C2CD3: variants seen among roughly 807,000 people sequenced by gnomAD.
C2CD3 encodes C2 domain containing 3 centriole elongation regulator, also known as C2 domain-containing protein 3.
A neutral mutation model predicts 234.0 loss-of-function variants in C2CD3; 148 were observed. The observed-to-expected ratio is 0.63, with a 90% CI of 0.55 to 0.72. C2CD3 has a LOEUF of 0.72. C2CD3 is among the 30% of genes least tolerant of loss of function. The probability of loss-of-function intolerance (pLI) is 0.00; values close to 1 mark genes in which losing one functional copy is unlikely to be tolerated. For missense variants in C2CD3, 2,577 were observed against 2,811.5 expected (o/e 0.92, Z 1.89); for synonymous variants, 1,000 against 1,035.4 (o/e 0.97, Z 0.66).
chr11:74,100,505 C>G lies in C2CD3; in HGVS notation c.2732+20G>C, dbSNP rs1429186952. The G allele has an allele frequency of 1.3e-6, 2 of 1,593,382 alleles. No homozygotes were observed. Among genetic ancestry groups the G allele is most frequent in the South Asian group, 2.3e-5 (2 of 87,202 alleles). On this transcript the variant is annotated intron_variant, in intron 15 of 32. Transcript: ENST00000334126. ...AGTTAAAGATGCACAATAAAGAATACTCCAAAAGGTCCTATTTACTTGAAT... is the reference window on the plus strand; with the variant it reads ...AGTTAAAGATGCACAATAAAGAATAGTCCAAAAGGTCCTATTTACTTGAAT...
In C2CD3 at chr11:74,138,871, C is replaced by T; in HGVS notation, c.804G>A (p.Glu268=). 1 of 1,612,988 alleles carries T rather than the reference C, an allele frequency of 6.2e-7. No homozygotes were observed. Among genetic ancestry groups the T allele is most frequent in the Non-Finnish European group, 8.5e-7 (1 of 1,179,006 alleles). ...QHSLNSGQSL[E]SVTLKGRAPR... is the part of the protein sequence containing the mutation. ...GAGCTCTGCCTTTCAGAGTTACAGA[C>T]TCTAAACTCTGTCCTGAATTAAGAC... Residue 268 remains glutamate, a synonymous_variant, in exon 5 of 33, where the codon GAG becomes GAA. Coordinates refer to ENST00000334126, the MANE Select transcript of C2CD3 (RefSeq NM_001286577.2).
chr11:74,062,323 T>C (rs1207665257), intron 24 of C2CD3, among the ~76,000 whole-genome samples: 1 of 152,186 alleles, frequency 6.6e-6, no homozygotes, highest in African/African-American at 2.4e-5. Flanking sequence ...GAATATACAT[T>C]CTTCTCAGCA....
chr11:74,045,547 T>G (rs1237315679), intron 28 of C2CD3, among the ~76,000 whole-genome samples: 1 of 148,442 alleles, frequency 6.7e-6, no homozygotes, highest in African/African-American at 2.6e-5. Context: ...TGATTTTATT[T>G]AGACCTTTTT....
chr11:74,050,432 T>C (rs1265642330), intron 26 of C2CD3, among the ~76,000 whole-genome samples: 1 of 152,220 alleles, frequency 6.6e-6, no homozygotes, highest in Non-Finnish European at 1.5e-5. Flanking sequence ...GCAATGACCT[T>C]CATTCTCATA....
At position 74,139,721 on chromosome 11, in the gene C2CD3, C is replaced by T. The variant is rs757731510; in HGVS notation, c.591G>A (p.Glu197=). 7 of 1,612,256 alleles carry T rather than the reference C, an allele frequency of 4.3e-6. No homozygotes were observed. The highest frequency in any genetic ancestry group is 1.3e-5 in the African/African-American group (1 of 74,982). The change falls in exon 4 of 33, where the codon GAG becomes GAA. Residue 197 remains glutamate, a synonymous_variant. Transcript: ENST00000334126. ...NVLLSKQGFR[E]NTEPSSTQFQ... is the part of the protein sequence containing the mutation. ...ACTGGGTACTGCTGGGTTCAGTATT[C>T]TCTCTGAATCCCTGCTTAGATAAAA...
intron 23 of C2CD3, among the ~76,000 whole-genome samples, chr11:74,075,929 G>A (rs1443360060): frequency 6.6e-6 from 1 of 152,194 alleles, no homozygotes; most frequent in Non-Finnish European, 1.5e-5. Flanking sequence ...GCTCAGACAA[G>A]AGGGATATGG....
At chr11:74,109,300 G>C (rs1005789396) in intron 11 of C2CD3, 148 bp from the exon 12 acceptor site, 3 of 573,452 alleles carry the variant, frequency 5.2e-6, no homozygotes, top group Non-Finnish European at 9.2e-6. Context: ...GAAAGTGCTA[G>C]GGTTGTAGGA....
chr11:74,031,354 C>T (rs1215819417), intron 31 of C2CD3, among the ~76,000 whole-genome samples: 1 of 152,248 alleles, frequency 6.6e-6, no homozygotes, highest in Non-Finnish European at 1.5e-5. Flanking sequence ...CCCCTCATCC[C>T]TGGACTCTAG....
intron 3 of C2CD3, among the ~76,000 whole-genome samples, chr11:74,154,305 A>T (rs982728030): frequency 3.9e-5 from 6 of 152,286 alleles, no homozygotes; most frequent in African/African-American, 1.4e-4. Flanking sequence ...AAAAGACACA[A>T]TCATGAAAAT....
In C2CD3 at chr11:74,103,023, G is replaced by A. The variant is rs543556975; in HGVS notation, c.2580+108C>T. The A allele has an allele frequency of 2.0e-3, 2,207 of 1,105,648 alleles. 6 individuals are homozygous for A. The highest frequency in any genetic ancestry group is 2.6e-3 in the Non-Finnish European group (2,005 of 761,390). The allele number at this position is 1,105,648 out of a possible 1,614,324, so 68.5% of individuals were successfully genotyped here. On this transcript the variant is annotated intron_variant, in intron 14 of 32. Coordinates refer to ENST00000334126, the MANE Select transcript of C2CD3 (RefSeq NM_001286577.2). ...AATCTGTACACCAGATAATTACGAA[G>A]GTTCCTTCTAGTCTGAACATTCTAG... is the stretch of plus-strand genomic sequence containing the variant.
chr11:74,168,489 A>T lies in C2CD3; in HGVS notation c.180T>A (p.Leu60=), dbSNP rs756100753. 1.2e-5 allele frequency: 19 copies of T among 1,614,234 alleles called. No homozygotes were observed. The highest frequency in any genetic ancestry group is 1.3e-5 in the Non-Finnish European group (15 of 1,180,038). ...WKIAKPPTCV[L]VRVRWWGETS... ...TTTCTCCCCACCATCTCACTCGGAC[A>T]AGTACACAAGTGGGAGGCTTTGCAA... Residue 60 remains leucine (L), a synonymous_variant, in exon 2 of 33, where the codon CTT becomes CTA. Coordinates refer to ENST00000334126, the MANE Select transcript of C2CD3 (RefSeq NM_001286577.2).
chr11:74,138,748 G>A lies in C2CD3; in HGVS notation c.927C>T (p.Asn309=). Residue 309 remains asparagine (N), a synonymous_variant, in exon 5 of 33, where the codon AAC becomes AAT. Coordinates refer to ENST00000334126, the MANE Select transcript of C2CD3 (RefSeq NM_001286577.2). ...AAAGAAGATCCTTGGTAGGGAGGTT[G>A]TTTGAAGAAAGAATGCATGAGTCAC... ...SHSDSCILSS[N]NLPTKDLLSA... The A allele has an allele frequency of 6.2e-7, 1 of 1,612,798 alleles. No individual in the cohort carries two copies. Among genetic ancestry groups the A allele is most frequent in the Non-Finnish European group, 8.5e-7 (1 of 1,178,772 alleles).
intron 3 of C2CD3, among the ~76,000 whole-genome samples, chr11:74,159,885 T>A (rs1856331346): frequency 6.6e-6 from 1 of 152,226 alleles, no homozygotes; most frequent in Admixed American, 6.5e-5. Flanking sequence ...GCTCTATCCA[T>A]AACTGCTCTA....
At position 74,093,919 on chromosome 11, in the gene C2CD3, G is replaced by C. The variant is rs764115179; in HGVS notation, c.3241C>G (p.Leu1081Val). The change falls in exon 18 of 33, where the codon CTC becomes GTC. Residue 1081 changes from leucine (L) to valine (V), a missense_variant. By Grantham distance (32) the Leu-to-Val change is conservative. Coordinates refer to ENST00000334126, the MANE Select transcript of C2CD3 (RefSeq NM_001286577.2). Reference protein sequence around the residue: ...PIFNSEHHHSLLLPAEVPVQR... With the variant: ...PIFNSEHHHSVLLPAEVPVQR... The stretch of plus-strand genomic sequence containing the variant: ...ACTGGAACCTCAGCTGGCAACAGGA[G>C]AGAGTGATGGTGTTCACTATTAAAG... 1.9e-6 allele frequency: 3 copies of C among 1,614,090 alleles called. No individual in the cohort carries two copies. The highest frequency in any genetic ancestry group is 4.5e-5 in the East Asian group (2 of 44,882).
chr11:74,044,607 T>A (rs1953265061), intron 28 of C2CD3, among the ~76,000 whole-genome samples: 2 of 152,160 alleles, frequency 1.3e-5, no homozygotes, highest in Non-Finnish European at 2.9e-5. Context: ...GATCTGAGGG[T>A]GTATGTGCAG....
At chr11:74,119,057 G>A (rs1262260616) in intron 8 of C2CD3, among the ~76,000 whole-genome samples, 1 of 151,846 alleles carries the variant, frequency 6.6e-6, no homozygotes, top group Non-Finnish European at 1.5e-5. Flanking sequence ...CTACAGACAT[G>A]AGCCACCACA....
At chr11:74,116,874 G>GTA (rs1412796057) in intron 9 of C2CD3, among the ~76,000 whole-genome samples, 1 of 125,104 alleles carries the variant, frequency 8.0e-6, no homozygotes, top group Non-Finnish European at 1.7e-5. Context: ...ACGTGTATAT[G>GTA]TATATATACA....
rs774895766 is a variant in C2CD3 at position 74,033,209 on chromosome 11, G to C, written c.6809+142C>G. On this transcript the variant is annotated intron_variant, in intron 31 of 32. Coordinates refer to ENST00000334126, the MANE Select transcript of C2CD3 (RefSeq NM_001286577.2). Reference sequence around the variant, plus strand: ...TGTTAATGGTAAAACTGTAGCACCTGTCATGCAGGTGGGGTCTTCTGAAGG... The same window carrying C: ...TGTTAATGGTAAAACTGTAGCACCTCTCATGCAGGTGGGGTCTTCTGAAGG... The C allele has an allele frequency of 6.8e-5, 45 of 657,014 alleles. No homozygotes were observed. In the Admixed American group the frequency reaches 7.6e-4, roughly 11 times the overall value. The allele number at this position is 657,014 out of a possible 1,614,324, so 40.7% of individuals were successfully genotyped here.
chr11:74,037,115 C>T lies in C2CD3; in HGVS notation c.5881+363G>A, dbSNP rs111507282. On this transcript the variant is annotated intron_variant, in intron 30 of 32. Transcript: ENST00000334126. ...TTCATTATTTTCTCAGAGAGTGGCA[C>T]AAGTTCAAGAATTGCTATTGAGGAA... Among the ~76,000 whole-genome samples, 682 of 152,202 alleles carry T rather than the reference C, an allele frequency of 4.5e-3. 3 individuals are homozygous for T. The highest frequency in any genetic ancestry group is 0.034 in the Middle Eastern group (10 of 294).
Sources: gnomAD v4.1 joint callset for allele counts (sites outside exome capture counted in the v4.1 genomes callset) on GRCh38, gnomAD v4.1.1 for gene constraint, MANE v1.5 for transcripts, NCBI Gene and HGNC (gene_info 2026-07-23, HGNC 2026-07-21) for gene names.